The following MYOM3 variants were observed in gnomAD, a reference collection of about 807,000 sequenced individuals.
MYOM3 encodes myomesin-3.
A neutral mutation model predicts 191.7 loss-of-function variants in MYOM3; 155 were observed. The ratio of observed to expected loss-of-function variants is 0.81; its 90% CI spans 0.71 to 0.92. The LOEUF (loss-of-function observed/expected upper bound fraction) is 0.92. Ranked by LOEUF, MYOM3 falls within the 40% of genes least tolerant of loss-of-function variation. The pLI is 0.00. For synonymous variants in MYOM3, 757 were observed against 762.9 expected, an observed-to-expected ratio of 0.99 and a Z score of 0.13; for missense variants, 1,889 against 1,890.6, an observed-to-expected ratio of 1.00 and a Z score of 0.02.
intron 24 of MYOM3, among the ~76,000 whole-genome samples, chr1:24,071,605 C>A (rs1400654878): frequency 6.6e-6 from 1 of 152,162 alleles, no homozygotes; most frequent in Non-Finnish European, 1.5e-5. Context: ...AAGGTGTCAT[C>A]ATGGTTCTGT....
Position 24,063,545 on chromosome 1 carries a change from A to C in MYOM3, c.3623-15T>G, listed in dbSNP as rs1437228741. 1.2e-6 allele frequency: 2 copies of C among 1,614,058 alleles called. No individual in the cohort carries two copies. Among genetic ancestry groups the C allele is most frequent in the South Asian group, 2.2e-5 (2 of 91,070 alleles). The stretch of plus-strand genomic sequence containing the variant: ...GGCATCCAGGGCTGGCGGGAAACAG[A>C]GAGAAGGGTTAGCTGGCATAGGGCT... On this transcript the variant is annotated splice_polypyrimidine_tract_variant and intron_variant, in intron 30 of 36. Transcript: ENST00000374434. This position sits in a 1 kb window ranked among gnomAD's most constrained non-coding sequence, Gnocchi z 4.5.
chr1:24,107,010 G>A, intron 4 of MYOM3, 63 bp downstream of exon 4: 3 of 1,481,480 alleles, frequency 2.0e-6, no homozygotes, highest in South Asian at 1.3e-5. Flanking sequence ...AAGGGGGTGA[G>A]GATGGCAGCA....
intron 21 of MYOM3, among the ~76,000 whole-genome samples, chr1:24,075,792 C>T (rs147328939): frequency 1.3e-5 from 2 of 152,208 alleles, no homozygotes; most frequent in Non-Finnish European, 1.5e-5. Context: ...CTGCTCCCCC[C>T]ACCCCTACAT....
In MYOM3 at chr1:24,067,297, T is replaced by C. The variant is rs1411126065; in HGVS notation, c.3356-209A>G. Among the ~76,000 whole-genome samples, 81 of 129,080 alleles carry C rather than the reference T, an allele frequency of 6.3e-4. No homozygotes were observed. The South Asian group carries it at 0.017, about 27-fold the overall frequency. The allele number at this position is 129,080 out of a possible 152,430, so 84.7% of individuals were successfully genotyped here. ...CTTTCTTCCTTCCTTTCTTTCTTTC[T>C]TTCTTTCCTTCTTTCTTTCTTTCTT... On this transcript the variant is annotated intron_variant, in intron 27 of 36. Coordinates refer to ENST00000374434, the MANE Select transcript of MYOM3 (RefSeq NM_152372.4).
Position 24,063,322 on chromosome 1 carries a change from G to T in MYOM3, c.3662-88C>A. The T allele has an allele frequency of 7.2e-7, 1 of 1,384,050 alleles. No individual in the cohort carries two copies. Among genetic ancestry groups the T allele is most frequent in the Non-Finnish European group, 1.0e-6 (1 of 973,564 alleles). The allele number at this position is 1,384,050 out of a possible 1,614,324, so 85.7% of individuals were successfully genotyped here. ...CCGGCTTGTCTGCCTCTGCCCTGGG[G>T]GGCAGGTGCTGTGGGGGAAATGCAG... is the stretch of plus-strand genomic sequence containing the variant. On this transcript the variant is annotated intron_variant, in intron 31 of 36. Coordinates refer to ENST00000374434, the MANE Select transcript of MYOM3 (RefSeq NM_152372.4). The surrounding 1 kb of genome is among the most constrained non-coding windows in gnomAD (Gnocchi z 4.5).
chr1:24,064,947 T>C (rs965511559), intron 29 of MYOM3, among the ~76,000 whole-genome samples: 23 of 152,218 alleles, frequency 1.5e-4, no homozygotes, highest in Non-Finnish European at 2.9e-5. Flanking sequence ...CCCCACCTTC[T>C]AGCCTTATGT....
At chr1:24,089,392 G>A in intron 14 of MYOM3, 146 bp downstream of exon 14, 1 of 1,021,816 alleles carries the variant, frequency 9.8e-7, no homozygotes, top group Non-Finnish European at 1.3e-6. Flanking sequence ...CCATCCCCTT[G>A]CCTCTGTGTA....
intron 29 of MYOM3, among the ~76,000 whole-genome samples, chr1:24,064,482 C>G (rs947716671): frequency 4.6e-5 from 7 of 152,164 alleles, no homozygotes; most frequent in African/African-American, 1.7e-4. Context: ...ACACAGTGAG[C>G]CTCACTTTGC....
intron 5 of MYOM3, among the ~76,000 whole-genome samples, chr1:24,101,803 C>T (rs1434171511): frequency 6.6e-6 from 1 of 152,188 alleles, no homozygotes; most frequent in Non-Finnish European, 1.5e-5. Context: ...CAAGGGTAGT[C>T]AAGCGATTGC....
chr1:24,066,325 G>A, intron 28 of MYOM3: 1 of 674,312 alleles, frequency 1.5e-6, no homozygotes, highest in South Asian at 1.7e-5. Flanking sequence ...CATGAGGGAT[G>A]CTGTTTTCCA....
chr1:24,090,981 A>C lies in MYOM3; in HGVS notation c.1248T>G (p.Ser416=). Residue 416 remains serine, a synonymous_variant, in exon 12 of 37, where the codon TCT becomes TCG. Transcript: ENST00000374434. ...AYTIERCQGE[S]GEWIACHEAP... The stretch of plus-strand genomic sequence containing the variant: ...CCTCATGGCAGGCGATCCATTCCCC[A>C]GACTCGCCCTGGCACCTGTTGGAGA... 1 of 1,613,890 alleles carries C rather than the reference A, an allele frequency of 6.2e-7. No homozygotes were observed. The highest frequency in any genetic ancestry group is 2.2e-5 in the East Asian group (1 of 44,882).
At chr1:24,078,353 G>A (rs1643626643) in intron 20 of MYOM3, among the ~76,000 whole-genome samples, 2 of 152,240 alleles carry the variant, frequency 1.3e-5, no homozygotes, top group South Asian at 2.1e-4. Flanking sequence ...CTGACCTCAG[G>A]AGATCCGCCT....
chr1:24,099,612 G>A (rs1315070302), intron 6 of MYOM3, 68 bp downstream of exon 6: 1 of 1,269,556 alleles, frequency 7.9e-7, no homozygotes, highest in Non-Finnish European at 1.2e-6. Flanking sequence ...GAAGGGTTTG[G>A]GATCCTGCTC....
At chr1:24,083,558 C>T (rs1163264678) in intron 16 of MYOM3, 1 of 152,254 alleles carries the variant, frequency 6.6e-6, no homozygotes, top group Non-Finnish European at 1.5e-5. Context: ...AACTCCCTTT[C>T]CTATATACAT....
chr1:24,105,201 T>G (rs1327834036), intron 5 of MYOM3, among the ~76,000 whole-genome samples: 2 of 152,188 alleles, frequency 1.3e-5, no homozygotes, highest in Non-Finnish European at 2.9e-5. Context: ...TCCATGCTGT[T>G]GTGGCGTTAA....
At chr1:24,082,363 G>A in intron 17 of MYOM3, 175 bp from the exon 18 acceptor site, 1 of 852,048 alleles carries the variant, frequency 1.2e-6, no homozygotes, top group Non-Finnish European at 1.8e-6. Context: ...CAGGTTTCTG[G>A]GTCTGAGGGC....
At chr1:24,100,655 G>A (rs1194992059) in intron 5 of MYOM3, among the ~76,000 whole-genome samples, 1 of 152,226 alleles carries the variant, frequency 6.6e-6, no homozygotes, top group Non-Finnish European at 1.5e-5. Context: ...GGGAGGCTGA[G>A]GCGGGCGGAT....
At chr1:24,088,359 T>C (rs1643772904) in intron 14 of MYOM3, among the ~76,000 whole-genome samples, 1 of 152,172 alleles carries the variant, frequency 6.6e-6, no homozygotes, top group Non-Finnish European at 1.5e-5. Context: ...ATTCTAAGTC[T>C]TTATGTGCGC....
In MYOM3 at chr1:24,056,455, G is replaced by T. The variant is rs560600050; in HGVS notation, c.*909C>A. 2.0e-5 allele frequency: 3 copies of T among 152,008 alleles called. No homozygotes were observed. The highest frequency in any genetic ancestry group is 4.4e-5 in the Non-Finnish European group (3 of 68,038). 9.4% of individuals were successfully genotyped at this position (152,008 alleles called of 1,614,324 possible). A position where few individuals can be genotyped will look rare whatever the true frequency, so the allele number is the denominator to read the frequency against. On this transcript the variant is annotated 3_prime_UTR_variant, in exon 37 of 37. Transcript: ENST00000374434. ...TCAATCTTGGCTCATCACAACCTCC[G>T]CCTCCCAGGTTCAACGGATTCTCCC... is the stretch of plus-strand genomic sequence containing the variant.
Sources: gnomAD v4.1 joint callset for allele counts (sites outside exome capture counted in the v4.1 genomes callset) on GRCh38, gnomAD v4.1.1 for gene constraint, Gnocchi (gnomAD v3.1) non-coding constraint, MANE v1.5 for transcripts, NCBI Gene and HGNC (gene_info 2026-07-23, HGNC 2026-07-21) for gene names.